ZC3H11A: variants seen among roughly 807,000 people sequenced by gnomAD.
The protein encoded by ZC3H11A is zinc finger CCCH domain-containing protein 11A.
In ZC3H11A, 22 loss-of-function variants were observed where a neutral mutation model predicts 90.8. That is an observed-to-expected ratio of 0.24 (90% confidence interval 0.17 to 0.35). ZC3H11A has a LOEUF of 0.35. Among genes scored for constraint, ZC3H11A ranks in the 10% least tolerant of loss-of-function variants. ZC3H11A has a pLI of 1.00. For missense variants in ZC3H11A, 701 were observed against 964.9 expected (o/e 0.73, Z 3.62); for synonymous variants, 294 against 339.8 (o/e 0.87, Z 1.48).
At position 203,828,365 on chromosome 1, in the gene ZC3H11A, G is replaced by A. The variant is rs1172582430; in HGVS notation, c.241G>A (p.Ala81Thr). 6.2e-7 allele frequency: 1 copy of A among 1,613,982 alleles called. No homozygotes were observed. The highest frequency in any genetic ancestry group is 8.5e-7 in the Non-Finnish European group (1 of 1,179,958). Residue 81 changes from alanine to threonine, a missense_variant, in exon 5 of 18, where the codon GCT becomes ACT. By Grantham distance (58) the Ala-to-Thr change is moderately conservative. This residue lies in a region of ZC3H11A where 59 missense variants were observed against 132.8 expected (regional missense o/e 0.44). Coordinates refer to ENST00000367210, the MANE Select transcript of ZC3H11A (RefSeq NM_001376342.1). ...QPTGCQKLNCAFHHNRGRYVD... is the reference protein window; with the variant it reads ...QPTGCQKLNCTFHHNRGRYVD... ...AACAGGATGTCAAAAATTAAACTGC[G>A]CTTTCCATCACAATAGAGGACGATA...
At chr1:203,836,408 C>T (rs546028795) in intron 10 of ZC3H11A, among the ~76,000 whole-genome samples, 2 of 152,134 alleles carry the variant, frequency 1.3e-5, no homozygotes, top group East Asian at 1.9e-4. Flanking sequence ...TCTAAAAAAC[C>T]GTTTTTAAAA....
chr1:203,825,264 T>A (rs1558118850), intron 4 of ZC3H11A, among the ~76,000 whole-genome samples: 1 of 152,096 alleles, frequency 6.6e-6, no homozygotes, highest in Non-Finnish European at 1.5e-5. Context: ...CTATTTCCCT[T>A]AGGAATAATG....
chr1:203,811,667 C>T (rs549611687), intron 2 of ZC3H11A, among the ~76,000 whole-genome samples: 181 of 152,200 alleles, frequency 1.2e-3, no homozygotes, highest in Non-Finnish European at 1.5e-3. Context: ...GGCTACCACG[C>T]CTGGCTAATT....
At chr1:203,835,690 T>A in intron 10 of ZC3H11A, 1 of 249,628 alleles carries the variant, frequency 4.0e-6, no homozygotes, top group Admixed American at 4.4e-5. Context: ...TGGGCTTGAG[T>A]TACCTTTCCC....
At chr1:203,795,945 C>T (rs554015293) in intron 1 of ZC3H11A, 151 bp downstream of exon 1, 1 of 151,802 alleles carries the variant, frequency 6.6e-6, no homozygotes, top group East Asian at 2.0e-4. Context: ...CCGTAACGAC[C>T]CCTCCCCCCC....
At chr1:203,822,650 T>C (rs904004732) in intron 4 of ZC3H11A, among the ~76,000 whole-genome samples, 1 of 152,184 alleles carries the variant, frequency 6.6e-6, no homozygotes, top group Non-Finnish European at 1.5e-5. Context: ...TCCTACATTG[T>C]GATCTCTTCT....
At chr1:203,846,668 T>C (rs1431504828) in intron 12 of ZC3H11A, among the ~76,000 whole-genome samples, 1 of 152,222 alleles carries the variant, frequency 6.6e-6, no homozygotes, top group Non-Finnish European at 1.5e-5. Flanking sequence ...AGCCATAAGT[T>C]AATGAAGAAT....
At chr1:203,797,485 T>C (rs1156868177) in intron 1 of ZC3H11A, 22 of 1,455,782 alleles carry the variant, frequency 1.5e-5, no homozygotes, top group Admixed American at 2.7e-5. Context: ...ATAAACCCAC[T>C]AACAGATTCT....
chr1:203,852,172 G>C lies in ZC3H11A; in HGVS notation c.2206G>C (p.Asp736His). 6.2e-7 allele frequency: 1 copy of C among 1,613,334 alleles called. No homozygotes were observed. The highest frequency in any genetic ancestry group is 8.5e-7 in the Non-Finnish European group (1 of 1,179,764). The change falls in exon 18 of 18, where the codon GAT (aspartate) becomes CAT (histidine). Residue 736 changes from aspartate to histidine, a missense_variant. This residue lies in a region of ZC3H11A where 91 missense variants were observed against 86.8 expected (regional missense o/e 1.05). Transcript: ENST00000367210. Reference sequence around the variant, plus strand: ...GCTGCCTCCAACCCAGTCCTCTTCAGATTCCTCACCCCCGGAGGTGTCTGG... The same window carrying C: ...GCTGCCTCCAACCCAGTCCTCTTCACATTCCTCACCCCCGGAGGTGTCTGG... ...LVLPPTQSSS[D>H]SSPPEVSGPS...
At chr1:203,850,410 G>T in intron 15 of ZC3H11A, 105 bp from the exon 16 acceptor site, 8 of 1,469,424 alleles carry the variant, frequency 5.4e-6, no homozygotes, top group Non-Finnish European at 6.7e-6. Flanking sequence ...TGAATTATTT[G>T]TGGTATTTCT....
intron 12 of ZC3H11A, among the ~76,000 whole-genome samples, chr1:203,842,825 A>C (rs1204494531): frequency 6.6e-6 from 1 of 151,518 alleles, no homozygotes; most frequent in African/African-American, 2.4e-5. Context: ...CTGTGTTATA[A>C]TTTTTAAATT....
chr1:203,848,742 GT>G (rs936704769), intron 14 of ZC3H11A, among the ~76,000 whole-genome samples: 3 of 152,140 alleles, frequency 2.0e-5, no homozygotes, highest in Admixed American at 2.0e-4. Flanking sequence ...AAAAAATAAA[GT>G]TTTTTGTTTA....
intron 4 of ZC3H11A, among the ~76,000 whole-genome samples, chr1:203,822,131 C>T (rs1678989221): frequency 6.6e-6 from 1 of 152,188 alleles, no homozygotes; most frequent in Admixed American, 6.5e-5. Flanking sequence ...ATCAATGCCA[C>T]AGGACTTAGT....
chr1:203,841,961 G>A (rs548330944), intron 12 of ZC3H11A, among the ~76,000 whole-genome samples: 5 of 150,928 alleles, frequency 3.3e-5, no homozygotes, highest in Non-Finnish European at 7.4e-5. Context: ...GTTCCCAGAC[G>A]GGGCCGCGGC....
rs1685710315 is a variant in ZC3H11A, at chr1:203,840,326, A to G, written c.994A>G (p.Lys332Glu). 6.2e-7 allele frequency: 1 copy of G among 1,613,096 alleles called. No homozygotes were observed. The highest frequency in any genetic ancestry group is 8.5e-7 in the Non-Finnish European group (1 of 1,179,370). Residue 332 changes from lysine (K) to glutamate (E), a missense_variant, in exon 12 of 18, where the codon AAG (lysine) becomes GAG (glutamate). Coordinates refer to ENST00000367210, the MANE Select transcript of ZC3H11A (RefSeq NM_001376342.1). ...PKKAQVSKSL[K>E]ERLGMSADPD... ...CACAGCTCAAGTTTCCAAGTCTCTT[A>G]AGGAGCGATTAGGCATGTCAGCTGA...
chr1:203,845,736 G>T (rs1313581448), intron 12 of ZC3H11A, among the ~76,000 whole-genome samples: 3 of 152,024 alleles, frequency 2.0e-5, no homozygotes, highest in African/African-American at 7.3e-5. Flanking sequence ...GTGGTCGTGG[G>T]CACCTGTAGG....
chr1:203,840,454 T>TG, intron 12 of ZC3H11A, 80 bp downstream of exon 12: 1 of 1,397,662 alleles, frequency 7.2e-7, no homozygotes, highest in Non-Finnish European at 9.9e-7. Flanking sequence ...ATTTACCTGT[T>TG]GCTTGCTAGG....
At chr1:203,806,762 G>A (rs1054511801) in intron 2 of ZC3H11A, among the ~76,000 whole-genome samples, 5 of 147,920 alleles carry the variant, frequency 3.4e-5, no homozygotes, top group Non-Finnish European at 7.4e-5. Context: ...GTGATTATGT[G>A]CATTTATGCT....
At chr1:203,851,586 T>C (rs1377074223) in intron 17 of ZC3H11A, among the ~76,000 whole-genome samples, 2 of 152,156 alleles carry the variant, frequency 1.3e-5, no homozygotes, top group African/African-American at 2.4e-5. Flanking sequence ...TTCCTCGTCT[T>C]CCCAAAGTGC....
Sources: gnomAD v4.1 joint callset for allele counts (sites outside exome capture counted in the v4.1 genomes callset) on GRCh38, gnomAD v4.1.1 for gene constraint, gnomAD v4.1.1 regional missense constraint, MANE v1.5 for transcripts, NCBI Gene and HGNC (gene_info 2026-07-23, HGNC 2026-07-21) for gene names.